The following ABCC8 variants were observed in gnomAD, a reference collection of about 807,000 sequenced individuals.
The protein encoded by ABCC8 is ATP-binding cassette sub-family C member 8.
Under a neutral mutation model 188.0 loss-of-function variants are expected in ABCC8, and 137 were observed. The ratio of observed to expected loss-of-function variants is 0.73; its 90% CI spans 0.63 to 0.84. ABCC8 has a LOEUF of 0.84. ABCC8 is among the 40% of genes least tolerant of loss of function. The pLI, the probability that ABCC8 is intolerant of heterozygous loss-of-function variation, is 0.00. For missense variants in ABCC8, 1,750 were observed against 2,072.7 expected (o/e 0.84, Z 3.02); for synonymous variants, 797 against 846.5 (o/e 0.94, Z 1.01).
chr11:17,402,797 G>A (rs1013053110), intron 28 of ABCC8, 44 bp from the exon 29 acceptor site: 1 of 1,611,896 alleles, frequency 6.2e-7, no homozygotes, highest in Non-Finnish European at 8.5e-7. Context: ...GGCAGGCTCA[G>A]GGCTCGGCCT....
chr11:17,461,880 T>C (rs1957207292), intron 4 of ABCC8, 55 bp from the exon 5 acceptor site: 1 of 1,609,254 alleles, frequency 6.2e-7, no homozygotes, highest in African/African-American at 1.3e-5. Context: ...CACCACTCCC[T>C]ACCTTGCCCC....
intron 20 of ABCC8, 88 bp from the exon 21 acceptor site, chr11:17,412,834 T>C: frequency 6.4e-7 from 1 of 1,550,550 alleles, no homozygotes; most frequent in Non-Finnish European, 8.7e-7. Context: ...CTCTTTGGGA[T>C]GGAGGCCTGG....
intron 5 of ABCC8, chr11:17,461,135 C>T (rs1044316595): frequency 3.0e-6 from 1 of 330,102 alleles, no homozygotes; most frequent in Non-Finnish European, 5.8e-6. Flanking sequence ...CTCAGGGCCT[C>T]AATTTGCTCC....
chr11:17,474,950 T>C lies in ABCC8; in HGVS notation c.226A>G (p.Ile76Val). ...ACGAAGAGCAGCATGAAGGTCAGGATCCACCGCAGGTTGTGCCCAGGGAAA... is the reference window on the plus strand; with the variant it reads ...ACGAAGAGCAGCATGAAGGTCAGGACCCACCGCAGGTTGTGCCCAGGGAAA... ...LHFPGHNLRW[I>V]LTFMLLFVLV... Residue 76 changes from isoleucine to valine, a missense_variant, in exon 2 of 39, where the codon ATC (isoleucine) becomes GTC (valine). Transcript: ENST00000389817. The C allele has an allele frequency of 6.2e-7, 1 of 1,614,128 alleles. No individual in the cohort carries two copies. The highest frequency in any genetic ancestry group is 8.5e-7 in the Non-Finnish European group (1 of 1,180,028).
chr11:17,423,037 A>G (rs145945517), intron 16 of ABCC8, among the ~76,000 whole-genome samples: 134 of 152,034 alleles, frequency 8.8e-4, no homozygotes, highest in African/African-American at 3.1e-3. Context: ...GAGCTCTTCT[A>G]AGGCCCAGGT....
chr11:17,456,563 C>T lies in ABCC8; in HGVS notation c.1012-3280G>A, dbSNP rs533209152. On this transcript the variant is annotated intron_variant, in intron 6 of 38. Transcript: ENST00000389817. ...GTGAGTTGTCCGTAGGTCCCAGCCC[C>T]GGGAGGCCCTGGGTAAAGAATAAAA... 3.4e-4 allele frequency among the ~76,000 whole-genome samples: 52 copies of T among 152,256 alleles called. 1 individual carries two copies. Among genetic ancestry groups the T allele is most frequent in the Non-Finnish European group, 2.1e-4 (14 of 68,022 alleles).
chr11:17,413,354 G>T lies in ABCC8; in HGVS notation c.2475+40C>A, dbSNP rs181783071. 1.9e-6 allele frequency: 3 copies of T among 1,613,592 alleles called. No individual in the cohort carries two copies. The Admixed American group carries it at 5.0e-5, about 27-fold the overall frequency. On this transcript the variant is annotated intron_variant, in intron 20 of 38. Coordinates refer to ENST00000389817, the MANE Select transcript of ABCC8 (RefSeq NM_000352.6). ...TGTCTCAGGGCATGGTAGGTTGGGG[G>T]TCCTGGCTTTGAAAAAACCCCTCAG...
rs777461294 is a variant in ABCC8 at position 17,453,168 on chromosome 11, G to A, written c.1127C>T (p.Ser376Phe). ...TCCAGTTTCAATGGCCACATAGTAG[G>A]ATGCTTGCAGAAATGTCCTTTGCAG... ...LLLQRTFLQA[S>F]YYVAIETGIN... The change falls in exon 7 of 39, where the codon TCC becomes TTC. Residue 376 changes from serine to phenylalanine, a missense_variant. Transcript: ENST00000389817. 1 of 1,614,092 alleles carries A rather than the reference G, an allele frequency of 6.2e-7. No homozygotes were observed. Among genetic ancestry groups the A allele is most frequent in the Non-Finnish European group, 8.5e-7 (1 of 1,180,020 alleles).
chr11:17,423,176 G>C (rs1242498319), intron 16 of ABCC8, among the ~76,000 whole-genome samples: 1 of 151,748 alleles, frequency 6.6e-6, no homozygotes, highest in Non-Finnish European at 1.5e-5. Flanking sequence ...GGCCAACATA[G>C]TGAAACCCCG....
At chr11:17,467,038 T>C (rs1848194994) in intron 3 of ABCC8, among the ~76,000 whole-genome samples, 1 of 65,892 alleles carries the variant, frequency 1.5e-5, no homozygotes, top group African/African-American at 5.7e-5. Context: ...TTAAACATGT[T>C]AAACCACACA....
chr11:17,465,965 C>T (rs1848118141), intron 3 of ABCC8, among the ~76,000 whole-genome samples: 2 of 152,234 alleles, frequency 1.3e-5, no homozygotes, highest in Middle Eastern at 6.8e-3. Context: ...TGGAAGCAAC[C>T]CACTGACAGA....
chr11:17,468,225 G>A (rs1272547863), intron 3 of ABCC8, among the ~76,000 whole-genome samples: 1 of 152,220 alleles, frequency 6.6e-6, no homozygotes, highest in South Asian at 2.1e-4. Context: ...AGGCAGACCT[G>A]TGACTAGTGC....
At chr11:17,415,747 G>A (rs1278992630) in intron 17 of ABCC8, among the ~76,000 whole-genome samples, 1 of 152,218 alleles carries the variant, frequency 6.6e-6, no homozygotes, top group Non-Finnish European at 1.5e-5. Flanking sequence ...GGGGCAAGGA[G>A]TGCTCTGGAC....
Position 17,413,377 on chromosome 11 carries a change from C to T in ABCC8, c.2475+17G>A. 1 of 1,614,232 alleles carries T rather than the reference C, an allele frequency of 6.2e-7. No homozygotes were observed. The highest frequency in any genetic ancestry group is 1.1e-5 in the South Asian group (1 of 91,088). On this transcript the variant is annotated intron_variant, in intron 20 of 38. Coordinates refer to ENST00000389817, the MANE Select transcript of ABCC8 (RefSeq NM_000352.6). ...GGGTCCTGGCTTTGAAAAAACCCCT[C>T]AGAGGCTGCTACTAACCCGTTCCCC...
chr11:17,407,058 G>C lies in ABCC8; in HGVS notation c.2992C>G (p.Arg998Gly). The change falls in exon 25 of 39, where the codon CGA becomes GGA. Residue 998 changes from arginine to glycine, a missense_variant. Coordinates refer to ENST00000389817, the MANE Select transcript of ABCC8 (RefSeq NM_000352.6). ...MLHQRAEIPW[R>G]ACAKYLSSAG... ...GAGGACAGGTACTTGGCGCAGGCTC[G>C]CCATGGGATCTCAGCACGCTGGTGC... 1.2e-6 allele frequency: 2 copies of C among 1,614,066 alleles called. No individual in the cohort carries two copies. The highest frequency in any genetic ancestry group is 1.7e-6 in the Non-Finnish European group (2 of 1,180,034).
At chr11:17,408,346 C>A (rs374840010) in intron 23 of ABCC8, 46 bp downstream of exon 23, 4 of 1,570,948 alleles carry the variant, frequency 2.5e-6, no homozygotes, top group Non-Finnish European at 2.6e-6. Flanking sequence ...CTAGCAGAAC[C>A]TTTGCATCCA....
Position 17,476,730 on chromosome 11 carries a change from C to A in ABCC8, c.47G>T (p.Arg16Leu). Residue 16 changes from arginine to leucine, a missense_variant, in exon 1 of 39, where the codon CGG (arginine) becomes CTG (leucine). Transcript: ENST00000389817. ...GTTGTTGAGGACCCCCTGGTCCACC[C>A]GGTAGGCGGCCGAGTGGTTCTCGCT... ...CGSENHSAAY[R>L]VDQGVLNNGC... is the part of the protein sequence containing the mutation. 6.2e-7 allele frequency: 1 copy of A among 1,604,854 alleles called. No individual in the cohort carries two copies. Among genetic ancestry groups the A allele is most frequent in the East Asian group, 2.3e-5 (1 of 44,402 alleles).
chr11:17,442,973 C>T, intron 9 of ABCC8, 91 bp from the exon 10 acceptor site: 1 of 1,599,092 alleles, frequency 6.3e-7, no homozygotes, highest in Non-Finnish European at 8.5e-7. Context: ...CACTGCCATG[C>T]CCGCCTCCTG....
At chr11:17,396,487 G>C (rs1371089258) in intron 33 of ABCC8, 2 of 297,208 alleles carry the variant, frequency 6.7e-6, no homozygotes, top group Non-Finnish European at 1.3e-5. Flanking sequence ...CAAAGAGACA[G>C]AGTGGGAAAC....
Sources: gnomAD v4.1 joint callset for allele counts (sites outside exome capture counted in the v4.1 genomes callset) on GRCh38, gnomAD v4.1.1 for gene constraint, MANE v1.5 for transcripts, NCBI Gene and HGNC (gene_info 2026-07-23, HGNC 2026-07-21) for gene names.